The following DPP10 variants were observed in gnomAD, a reference collection of about 807,000 sequenced individuals.
The protein encoded by DPP10 is dipeptidyl peptidase like 10.
A neutral mutation model predicts 120.9 loss-of-function variants in DPP10; 33 were observed. That is an observed-to-expected ratio of 0.27 (90% CI 0.21 to 0.37). The LOEUF is 0.37. DPP10 is among the 10% of genes least tolerant of loss of function. The pLI, the probability that DPP10 is intolerant of heterozygous loss-of-function variation, is 1.00. For synonymous variants in DPP10, 337 were observed against 326.1 expected, an observed-to-expected ratio of 1.03 and a Z score of -0.36; for missense variants, 816 against 942.8, an observed-to-expected ratio of 0.87 and a Z score of 1.76.
At position 114,937,999 on chromosome 2, in the gene DPP10, C is replaced by T. The variant is rs539312550; in HGVS notation, c.61-371240C>T. On this transcript the variant is annotated intron_variant, in intron 1 of 25. Transcript: ENST00000410059. ...AAATTAAAAGAATACTCACCAACTG[C>T]CAATTCATTTCTTGTAAGTAACATA... 2.2e-4 allele frequency among the ~76,000 whole-genome samples: 33 copies of T among 152,206 alleles called. 1 individual carries two copies. The highest frequency in any genetic ancestry group is 7.9e-4 in the African/African-American group (33 of 41,514).
chr2:115,752,519 T>G (rs1678876369), intron 10 of DPP10, among the ~76,000 whole-genome samples: 1 of 152,174 alleles, frequency 6.6e-6, no homozygotes, highest in Admixed American at 6.6e-5. Flanking sequence ...TGTTTAAAAA[T>G]GTTTCAAATA....
chr2:115,405,986 A>G (rs1004040080), intron 3 of DPP10, among the ~76,000 whole-genome samples: 1 of 152,164 alleles, frequency 6.6e-6, no homozygotes, highest in Non-Finnish European at 1.5e-5. Context: ...ACACTAATCT[A>G]TTTAGTGAAG....
At chr2:115,134,142 G>T (rs778680301) in intron 1 of DPP10, among the ~76,000 whole-genome samples, 2 of 152,116 alleles carry the variant, frequency 1.3e-5, no homozygotes, top group Non-Finnish European at 2.9e-5. Flanking sequence ...TTAGGAAAAA[G>T]ATCTTTTATG....
intron 3 of DPP10, among the ~76,000 whole-genome samples, chr2:115,469,900 GA>G (rs751350699): frequency 0.012 from 1,052 of 88,920 alleles, 17 homozygotes; most frequent in African/African-American, 0.016. Context: ...AAAAAAAAAA[GA>G]AAAAAAAAAA....
chr2:115,375,207 A>T (rs145603263), intron 3 of DPP10, among the ~76,000 whole-genome samples: 31 of 152,334 alleles, frequency 2.0e-4, no homozygotes, highest in Admixed American at 1.4e-3. Context: ...TCCAGGTCAC[A>T]TCTTGAACGA....
intron 1 of DPP10, among the ~76,000 whole-genome samples, chr2:114,558,029 G>T (rs1688462679): frequency 6.6e-6 from 1 of 152,142 alleles, no homozygotes; most frequent in African/African-American, 2.4e-5. Context: ...CCATACTCCA[G>T]GTGGCGAATT....
In DPP10 at chr2:114,477,810, C is replaced by T. The variant is rs562045561; in HGVS notation, c.60+34972C>T. ...ATATATGTATATGCACATATACATA[C>T]ATATGTGTGTATATATGTATGTACA... On this transcript the variant is annotated intron_variant, in intron 1 of 25. Transcript: ENST00000410059. 2.0e-5 allele frequency among the ~76,000 whole-genome samples: 3 copies of T among 149,466 alleles called. No homozygotes were observed. In the East Asian group the frequency reaches 5.9e-4, roughly 29 times the overall value.
intron 8 of DPP10, among the ~76,000 whole-genome samples, chr2:115,733,476 T>C (rs2092957996): frequency 6.6e-6 from 1 of 151,960 alleles, no homozygotes; most frequent in Non-Finnish European, 1.5e-5. Flanking sequence ...TAAAATCAGT[T>C]AATTGGTGGG....
chr2:115,330,770 G>C (rs2062677815), intron 2 of DPP10, among the ~76,000 whole-genome samples: 1 of 151,404 alleles, frequency 6.6e-6, no homozygotes, highest in Admixed American at 6.6e-5. Flanking sequence ...TTTCTGTTCT[G>C]TTCCATTGGT....
intron 3 of DPP10, among the ~76,000 whole-genome samples, chr2:115,496,922 G>T (rs1228575765): frequency 6.6e-6 from 1 of 152,106 alleles, no homozygotes; most frequent in Non-Finnish European, 1.5e-5. Context: ...GCTGCTGATT[G>T]GTTGGGGGGG....
intron 1 of DPP10, among the ~76,000 whole-genome samples, chr2:115,291,299 C>G (rs1199542154): frequency 6.6e-6 from 1 of 152,026 alleles, no homozygotes; most frequent in Non-Finnish European, 1.5e-5. Flanking sequence ...CCATGGCATC[C>G]CACCTCTGCT....
In DPP10 at chr2:115,023,703, A is replaced by G. The variant is rs183100193; in HGVS notation, c.61-285536A>G. On this transcript the variant is annotated intron_variant, in intron 1 of 25. Coordinates refer to ENST00000410059, the MANE Select transcript of DPP10 (RefSeq NM_020868.6). The stretch of plus-strand genomic sequence containing the variant: ...AAAGATACTTGCACATGTTTATAGC[A>G]GCACTATTTGCATATTTGCAATTGC... Among the ~76,000 whole-genome samples, 73 of 152,270 alleles carry G rather than the reference A, an allele frequency of 4.8e-4. No individual in the cohort carries two copies. In the East Asian group the frequency reaches 5.2e-3, roughly 11 times the overall value.
intron 1 of DPP10, among the ~76,000 whole-genome samples, chr2:114,919,237 T>C (rs559821864): frequency 1.3e-5 from 2 of 152,178 alleles, no homozygotes; most frequent in African/African-American, 2.4e-5. Flanking sequence ...TTTTTAATTA[T>C]GCAATTGGAT....
At chr2:114,919,889 T>C (rs1188311606) in intron 1 of DPP10, among the ~76,000 whole-genome samples, 1 of 152,130 alleles carries the variant, frequency 6.6e-6, no homozygotes, top group Non-Finnish European at 1.5e-5. Context: ...CAGGTGCCAG[T>C]TGGTCACCTC....
chr2:114,663,284 A>T (rs1558980197), intron 1 of DPP10, among the ~76,000 whole-genome samples: 1 of 149,802 alleles, frequency 6.7e-6, no homozygotes, highest in Non-Finnish European at 1.5e-5. Context: ...ACACACATAT[A>T]TGTATACATA....
At chr2:115,624,042 A>C (rs1380381118) in intron 5 of DPP10, among the ~76,000 whole-genome samples, 3 of 151,154 alleles carry the variant, frequency 2.0e-5, no homozygotes, top group African/African-American at 7.3e-5. Context: ...TAAATTAGTT[A>C]TGGTAATGTC....
intron 1 of DPP10, among the ~76,000 whole-genome samples, chr2:114,497,345 A>ACG (rs777471443): frequency 3.7e-5 from 1 of 27,264 alleles, no homozygotes; most frequent in African/African-American, 8.9e-5. Flanking sequence ...GTACATATAC[A>ACG]TACACATGTA....
intron 5 of DPP10, among the ~76,000 whole-genome samples, chr2:115,605,267 T>G (rs2083627774): frequency 6.6e-6 from 1 of 152,252 alleles, no homozygotes; most frequent in African/African-American, 2.4e-5. Context: ...GTATCACTGT[T>G]TCTCTCATTT....
At chr2:115,063,974 G>A (rs1485709465) in intron 1 of DPP10, among the ~76,000 whole-genome samples, 1 of 151,922 alleles carries the variant, frequency 6.6e-6, no homozygotes, top group Non-Finnish European at 1.5e-5. Context: ...GTATTACAAT[G>A]GGTTTCACAG....
Sources: gnomAD v4.1 joint callset for allele counts (sites outside exome capture counted in the v4.1 genomes callset) on GRCh38, gnomAD v4.1.1 for gene constraint, MANE v1.5 for transcripts, NCBI Gene and HGNC (gene_info 2026-07-23, HGNC 2026-07-21) for gene names.